VPS35L: variants seen among roughly 807,000 people sequenced by gnomAD.
VPS35L encodes the protein VPS35 endosomal protein-sorting factor-like.
A neutral mutation model predicts 133.0 loss-of-function variants in VPS35L; 83 were observed. The observed-to-expected ratio is 0.62, with a 90% CI of 0.52 to 0.75. The LOEUF (loss-of-function observed/expected upper bound fraction) is 0.75. Ranked by LOEUF, VPS35L falls within the 30% of genes least tolerant of loss-of-function variation. VPS35L has a pLI of 0.00. For synonymous variants in VPS35L, 423 were observed against 449.9 expected (o/e 0.94, Z 0.76); for missense variants, 1,083 against 1,206.8 (o/e 0.90, Z 1.52).
intron 8 of VPS35L, among the ~76,000 whole-genome samples, chr16:19,594,664 AAAAAAAAG>A (rs1371365309): frequency 1.3e-5 from 2 of 149,672 alleles, no homozygotes; most frequent in African/African-American, 4.9e-5. Flanking sequence ...AAAAAAAAAA[AAAAAAAAG>A]AAGAGAAAAA....
chr16:19,605,276 A>G (rs980286104), intron 9 of VPS35L, among the ~76,000 whole-genome samples: 9 of 152,294 alleles, frequency 5.9e-5, no homozygotes, highest in African/African-American at 2.2e-4. Context: ...TAAAAGAAAA[A>G]TAAGTGGGAG....
Position 19,581,571 on chromosome 16 carries a change from A to G in VPS35L, c.557A>G (p.Asn186Ser). ...AACTTGACTCAGCAGGATTACGTGA[A>G]CCGCATAGAGGAGCTCAACCAATCG... is the stretch of plus-strand genomic sequence containing the variant. ...LLNLTQQDYV[N>S]RIEELNQSLK... The change falls in exon 7 of 31, where the codon AAC (asparagine) becomes AGC (serine). Residue 186 changes from asparagine to serine, a missense_variant. By Grantham distance (46) the Asn-to-Ser change is conservative. Transcript: ENST00000417362. The G allele has an allele frequency of 6.2e-7, 1 of 1,612,224 alleles. No homozygotes were observed. Among genetic ancestry groups the G allele is most frequent in the East Asian group, 2.2e-5 (1 of 44,782 alleles).
intron 7 of VPS35L, among the ~76,000 whole-genome samples, chr16:19,588,628 G>A (rs1180494393): frequency 1.3e-5 from 2 of 152,146 alleles, no homozygotes; most frequent in East Asian, 1.9e-4. Context: ...AACCTTCTGG[G>A]ATTCTGACAG....
At chr16:19,695,258 G>T (rs1188819913) in intron 29 of VPS35L, among the ~76,000 whole-genome samples, 13 of 152,210 alleles carry the variant, frequency 8.5e-5, no homozygotes, top group Admixed American at 8.5e-4. Context: ...AATAGGCTGG[G>T]TTTAATCAGA....
chr16:19,590,876 G>C (rs1045644434), intron 7 of VPS35L, among the ~76,000 whole-genome samples: 2 of 152,104 alleles, frequency 1.3e-5, no homozygotes, highest in Non-Finnish European at 2.9e-5. Context: ...GATTGCTTGA[G>C]CCCAGGAGTT....
chr16:19,614,564 C>T (rs774706087), intron 12 of VPS35L, among the ~76,000 whole-genome samples: 5 of 152,218 alleles, frequency 3.3e-5, no homozygotes, highest in Non-Finnish European at 7.3e-5. Flanking sequence ...GCGTGCGCCA[C>T]CACACCCGGC....
intron 1 of VPS35L, among the ~76,000 whole-genome samples, chr16:19,557,459 C>T (rs1970896982): frequency 6.6e-6 from 1 of 152,132 alleles, no homozygotes; most frequent in Non-Finnish European, 1.5e-5. Context: ...GATCTTGGCT[C>T]ACCGCAACCT....
At position 19,699,625 on chromosome 16, in the gene VPS35L, G is replaced by A. The variant is rs1416733828; in HGVS notation, c.2770G>A (p.Gly924Ser). The A allele has an allele frequency of 6.2e-6, 10 of 1,613,876 alleles. No homozygotes were observed. The highest frequency in any genetic ancestry group is 1.1e-5 in the South Asian group (1 of 91,078). ...VNLWHLAQRH[G>S]CADTRTMVKT... ...CCTGTGGCACCTGGCACAGAGGCAC[G>A]GCTGTGCAGACACCAGGACCATGGT... The change falls in exon 30 of 31, where the codon GGC becomes AGC. Residue 924 changes from glycine (G) to serine (S), a missense_variant. By Grantham distance (56) the Gly-to-Ser change is moderately conservative. Coordinates refer to ENST00000417362, the MANE Select transcript of VPS35L (RefSeq NM_020314.7). This position sits in a 1 kb window ranked among gnomAD's most constrained non-coding sequence, Gnocchi z 4.2.
intron 8 of VPS35L, among the ~76,000 whole-genome samples, chr16:19,596,792 G>T (rs1319834597): frequency 6.6e-6 from 1 of 151,380 alleles, no homozygotes; most frequent in Non-Finnish European, 1.5e-5. Context: ...GCCAAGGCGG[G>T]CAGATCACTT....
chr16:19,616,550 A>C, intron 13 of VPS35L, 136 bp from the exon 14 acceptor site: 1 of 1,200,080 alleles, frequency 8.3e-7, no homozygotes, highest in Non-Finnish European at 1.1e-6. Context: ...AAAAAAAAAA[A>C]CAACCGAGAA....
At chr16:19,675,993 T>C (rs1170438834) in intron 27 of VPS35L, among the ~76,000 whole-genome samples, 2 of 152,174 alleles carry the variant, frequency 1.3e-5, no homozygotes, top group Non-Finnish European at 2.9e-5. Flanking sequence ...TGCTCATACC[T>C]GTAATCCCAG....
chr16:19,570,864 T>TTTTTG (rs1971348390), intron 3 of VPS35L, among the ~76,000 whole-genome samples: 2 of 86,218 alleles, frequency 2.3e-5, no homozygotes, highest in African/African-American at 1.2e-4. Context: ...TATATATATA[T>TTTTTG]ATATATATAT....
chr16:19,563,119 A>G (rs1283625184), intron 1 of VPS35L, among the ~76,000 whole-genome samples: 3 of 151,996 alleles, frequency 2.0e-5, no homozygotes, highest in African/African-American at 7.2e-5. Context: ...AGCAACAATA[A>G]GACTACTATT....
intron 11 of VPS35L, among the ~76,000 whole-genome samples, chr16:19,609,933 A>G (rs1972656418): frequency 6.6e-6 from 1 of 150,496 alleles, no homozygotes; most frequent in South Asian, 2.1e-4. Flanking sequence ...CGGAAGGAAC[A>G]GGGTACGGGA....
At chr16:19,674,284 T>C (rs536399091) in intron 27 of VPS35L, among the ~76,000 whole-genome samples, 2 of 142,906 alleles carry the variant, frequency 1.4e-5, no homozygotes, top group African/African-American at 5.1e-5. Context: ...CTCTGCCTCC[T>C]GGGTTAAAGC....
Position 19,642,399 on chromosome 16 carries a change from T to C in VPS35L, c.1788T>C (p.His596=), listed in dbSNP as rs751250821. The change falls in exon 22 of 31, where the codon CAT becomes CAC. Residue 596 remains histidine, a synonymous_variant. Coordinates refer to ENST00000417362, the MANE Select transcript of VPS35L (RefSeq NM_020314.7). ...TTTATCTTTAAATGTCTCCTAGGCA[T>C]CAACAAGAGCCCACCAAGGACCCGG... ...CKCIMDAFIK[H]QQEPTKDPVI... 2.5e-6 allele frequency: 4 copies of C among 1,613,620 alleles called. No homozygotes were observed. The highest frequency in any genetic ancestry group is 2.2e-5 in the South Asian group (2 of 91,052).
At chr16:19,581,894 T>G in intron 7 of VPS35L, 1 of 536,438 alleles carries the variant, frequency 1.9e-6, no homozygotes. Context: ...GGAAGCACTC[T>G]TCACCCTAGG....
rs141333350 is a variant in VPS35L, at chr16:19,612,057, G to A, written c.1023+1642G>A. The stretch of plus-strand genomic sequence containing the variant: ...GGGTTCAAGCAATTCTTCTGCTGCA[G>A]CCTCCCGAGTAGCTGGGACTCCAGG... On this transcript the variant is annotated intron_variant, in intron 12 of 30. Transcript: ENST00000417362. Among the ~76,000 whole-genome samples the A allele has an allele frequency of 9.3e-5, 14 of 151,064 alleles. No homozygotes were observed. In the East Asian group the frequency reaches 2.6e-3, roughly 28 times the overall value.
chr16:19,674,223 C>T lies in VPS35L; in HGVS notation c.2361+4924C>T, dbSNP rs1474695905. Among the ~76,000 whole-genome samples, 13 of 108,090 alleles carry T rather than the reference C, an allele frequency of 1.2e-4. No individual in the cohort carries two copies. The Admixed American group carries it at 1.5e-3, about 13-fold the overall frequency. The allele number at this position is 108,090 out of a possible 152,430, so 70.9% of individuals were successfully genotyped here. On this transcript the variant is annotated intron_variant, in intron 27 of 30. Coordinates refer to ENST00000417362, the MANE Select transcript of VPS35L (RefSeq NM_020314.7). ...TTTTTTTTTTTTGGAGAATCTTCCT[C>T]TGTCACCCAGGCTAGATGGAATGCA... is the stretch of plus-strand genomic sequence containing the variant.
Sources: allele counts gnomAD v4.1 joint callset (sites outside exome capture counted in the v4.1 genomes callset), GRCh38; gene constraint gnomAD v4.1.1; non-coding constraint Gnocchi (gnomAD v3.1); transcripts MANE v1.5; gene names NCBI Gene and HGNC (gene_info 2026-07-23, HGNC 2026-07-21).